TACC2: variants seen among roughly 807,000 people sequenced by gnomAD.
TACC2 encodes the protein transforming acidic coiled-coil-containing protein 2.
Under a neutral mutation model 227.3 loss-of-function variants are expected in TACC2, and 137 were observed. The observed-to-expected ratio is 0.60, with a 90% confidence interval of 0.52 to 0.69. The LOEUF (loss-of-function observed/expected upper bound fraction) is 0.69, where lower values mean the gene tolerates loss of function less well. TACC2 is among the 30% of genes least tolerant of loss of function. The pLI is 0.00. For synonymous variants in TACC2, 1,523 were observed against 1,487.5 expected, an observed-to-expected ratio of 1.02 and a Z score of -0.55; for missense variants, 3,470 against 3,694.4, an observed-to-expected ratio of 0.94 and a Z score of 1.57.
intron 19 of TACC2, among the ~76,000 whole-genome samples, chr10:122,245,965 A>G (rs1008069280): frequency 2.0e-5 from 3 of 149,970 alleles, no homozygotes; most frequent in African/African-American, 7.6e-5. Context: ...TGGCCTGGGC[A>G]GCTCTGGGCT....
chr10:122,198,881 G>A (rs1365606946), intron 8 of TACC2, among the ~76,000 whole-genome samples: 1 of 152,222 alleles, frequency 6.6e-6, no homozygotes, highest in East Asian at 1.9e-4. Context: ...AGCCTGTCCT[G>A]AGAGCTGCAG....
intron 1 of TACC2, among the ~76,000 whole-genome samples, chr10:121,999,514 G>C (rs1330651610): frequency 1.3e-5 from 2 of 152,238 alleles, no homozygotes; most frequent in African/African-American, 4.8e-5. Context: ...CGCCACATGT[G>C]TTCCAAGTCT....
At chr10:122,244,027 C>T (rs1321952815) in intron 19 of TACC2, among the ~76,000 whole-genome samples, 5 of 152,226 alleles carry the variant, frequency 3.3e-5, no homozygotes, top group African/African-American at 7.2e-5. Context: ...ATTACTCCCA[C>T]GGTTTCCTCA....
intron 5 of TACC2, among the ~76,000 whole-genome samples, chr10:122,131,083 T>G (rs2087986173): frequency 6.8e-6 from 1 of 146,512 alleles, no homozygotes. Context: ...GAGGCTGAAG[T>G]GGGAGGATTG....
intron 11 of TACC2, among the ~76,000 whole-genome samples, chr10:122,222,272 A>G (rs1022046091): frequency 3.3e-5 from 5 of 152,226 alleles, no homozygotes; most frequent in African/African-American, 1.2e-4. Context: ...AAGTTCAGGA[A>G]GATGTTTTCT....
At position 122,210,634 on chromosome 10, in the gene TACC2, G is replaced by A. The variant is rs1275479836; in HGVS notation, c.6209G>A (p.Arg2070Lys). The A allele has an allele frequency of 3.1e-6, 5 of 1,613,952 alleles. No individual in the cohort carries two copies. In the African/African-American group the frequency reaches 6.7e-5, roughly 22 times the overall value. Residue 2070 changes from arginine to lysine, a missense_variant, in exon 9 of 23, where the codon AGG becomes AAG. This residue lies in a region of TACC2 where 593 missense variants were observed against 636.6 expected (regional missense o/e 0.93). Transcript: ENST00000369005. The surrounding 1 kb of genome is among the most constrained non-coding windows in gnomAD (Gnocchi z 4.6). ...CAGGAGGGCAAAGTGAACACACGGA[G>A]GAAGTCCACGGATTCCGTCCCCATC... ...KNQEGKVNTRRKSTDSVPISK... is the reference protein window; with the variant it reads ...KNQEGKVNTRKKSTDSVPISK...
chr10:122,121,791 C>T (rs1246588449), intron 5 of TACC2, among the ~76,000 whole-genome samples: 3 of 152,088 alleles, frequency 2.0e-5, no homozygotes, highest in Admixed American at 1.3e-4. Flanking sequence ...GGTAGAGGTC[C>T]CTGCCCTGTT....
chr10:122,233,037 CAT>C, intron 16 of TACC2, among the ~76,000 whole-genome samples: 1 of 152,160 alleles, frequency 6.6e-6, no homozygotes, highest in Non-Finnish European at 1.5e-5. Flanking sequence ...CTTTGACTTC[CAT>C]ATCTCTCTAG....
chr10:122,141,908 G>A lies in TACC2; in HGVS notation c.5700-1664G>A, dbSNP rs961974465. Among the ~76,000 whole-genome samples the A allele has an allele frequency of 2.6e-5, 4 of 152,192 alleles. No individual in the cohort carries two copies. Among genetic ancestry groups the A allele is most frequent in the Non-Finnish European group, 5.9e-5 (4 of 68,032 alleles). ...TGCGTTTGTAAGTGGTCCATTTGCC[G>A]ATTATGAGTACATGTCAGCCTCCAA... On this transcript the variant is annotated intron_variant, in intron 6 of 22. Coordinates refer to ENST00000369005, the MANE Select transcript of TACC2 (RefSeq NM_206862.4). The surrounding 1 kb of genome is among the most constrained non-coding windows in gnomAD (Gnocchi z 4.3).
At chr10:121,996,504 C>G (rs1336747361) in intron 1 of TACC2, among the ~76,000 whole-genome samples, 2 of 152,130 alleles carry the variant, frequency 1.3e-5, no homozygotes, top group Non-Finnish European at 2.9e-5. Flanking sequence ...GATCACATTT[C>G]AAAATGAGAT....
chr10:122,225,228 C>T lies in TACC2; in HGVS notation c.7608+441C>T, dbSNP rs138352917. 2.8e-3 allele frequency among the ~76,000 whole-genome samples: 426 copies of T among 152,328 alleles called. 3 individuals carry two copies. The highest frequency in any genetic ancestry group is 9.6e-3 in the African/African-American group (399 of 41,566). ...GGGCACTGTCTTTCCTGGCATAATACCTGCTGCCCTAGGGCATGTTATTCC... is the reference window on the plus strand; with the variant it reads ...GGGCACTGTCTTTCCTGGCATAATATCTGCTGCCCTAGGGCATGTTATTCC... On this transcript the variant is annotated intron_variant, in intron 12 of 22. Transcript: ENST00000369005.
chr10:122,247,778 C>G (rs979245117), intron 19 of TACC2: 16 of 152,156 alleles, frequency 1.1e-4, no homozygotes, highest in Admixed American at 2.6e-4. Flanking sequence ...GGGTTGAAAA[C>G]CTGCCTTTCA....
chr10:122,250,786 G>T (rs1045107962), intron 22 of TACC2, among the ~76,000 whole-genome samples: 7 of 152,058 alleles, frequency 4.6e-5, no homozygotes, highest in African/African-American at 1.7e-4. Context: ...AGCCTGTATC[G>T]TTGGGCAGAT....
intron 5 of TACC2, among the ~76,000 whole-genome samples, chr10:122,122,272 G>A (rs1322060557): frequency 2.0e-5 from 3 of 152,070 alleles, no homozygotes; most frequent in Non-Finnish European, 2.9e-5. Context: ...GGAGAATGGC[G>A]TGAACCCGGG....
chr10:122,212,881 C>G (rs1382795020), intron 9 of TACC2, among the ~76,000 whole-genome samples: 1 of 152,220 alleles, frequency 6.6e-6, no homozygotes, highest in East Asian at 1.9e-4. Context: ...ACGTTGGAAA[C>G]TTGATTTCAA....
chr10:122,174,454 G>A (rs1249065333), intron 7 of TACC2, among the ~76,000 whole-genome samples: 1 of 152,188 alleles, frequency 6.6e-6, no homozygotes, highest in African/African-American at 2.4e-5. Context: ...CATTTATGAT[G>A]TCGGTGAAAT....
At chr10:122,120,792 G>A (rs1200885894) in intron 5 of TACC2, among the ~76,000 whole-genome samples, 1 of 151,500 alleles carries the variant, frequency 6.6e-6, no homozygotes, top group East Asian at 1.9e-4. Context: ...ACGGAGTCCT[G>A]CTCTGTCGTC....
intron 2 of TACC2, among the ~76,000 whole-genome samples, chr10:122,032,347 C>G (rs980674597): frequency 9.8e-5 from 15 of 152,286 alleles, no homozygotes; most frequent in African/African-American, 3.6e-4. Context: ...TGAGCACACT[C>G]CCCGTCGCAC....
intron 6 of TACC2, among the ~76,000 whole-genome samples, chr10:122,142,578 C>T (rs2090766518): frequency 6.6e-6 from 1 of 152,182 alleles, no homozygotes; most frequent in Non-Finnish European, 1.5e-5. Flanking sequence ...GCCCAGAGGC[C>T]CACGCACCCT....
Sources: gnomAD v4.1 joint callset for allele counts (sites outside exome capture counted in the v4.1 genomes callset) on GRCh38, gnomAD v4.1.1 for gene constraint, gnomAD v4.1.1 regional missense constraint, Gnocchi (gnomAD v3.1) non-coding constraint, MANE v1.5 for transcripts, NCBI Gene and HGNC (gene_info 2026-07-23, HGNC 2026-07-21) for gene names.